Variants in PTPRG observed in about 807,000 individuals in gnomAD.
PTPRG encodes the protein receptor-type tyrosine-protein phosphatase gamma.
A neutral mutation model predicts 165.3 loss-of-function variants in PTPRG; 102 were observed. The ratio of observed to expected loss-of-function variants is 0.62; its 90% confidence interval spans 0.53 to 0.73. PTPRG has a LOEUF of 0.73. Among genes scored for constraint, PTPRG ranks in the 30% least tolerant of loss-of-function variants. The pLI is 0.00. For missense variants in PTPRG, 1,866 were observed against 1,861.4 expected, an observed-to-expected ratio of 1.00 and a Z score of -0.05; for synonymous variants, 675 against 669.5, an observed-to-expected ratio of 1.01 and a Z score of -0.13.
intron 16 of PTPRG, among the ~76,000 whole-genome samples, chr3:62,261,601 T>TC (rs1158890275): frequency 6.6e-6 from 1 of 151,848 alleles, no homozygotes; most frequent in Non-Finnish European, 1.5e-5. Context: ...GGGGCTTTTT[T>TC]TTTTTTTTTT....
chr3:62,108,037 T>G lies in PTPRG; in HGVS notation c.616-24565T>G, dbSNP rs905227643. On this transcript the variant is annotated intron_variant, in intron 5 of 29. Transcript: ENST00000474889. The stretch of plus-strand genomic sequence containing the variant: ...TGGTGTAGAACCCTGGAAACATTTC[T>G]CTCTCGCTCTTTTTTTTTTTTATTA... Among the ~76,000 whole-genome samples the G allele has an allele frequency of 5.3e-5, 8 of 150,472 alleles. No homozygotes were observed. The East Asian group carries it at 9.8e-4, about 18-fold the overall frequency.
chr3:62,143,180 C>T (rs1703992843), intron 6 of PTPRG, among the ~76,000 whole-genome samples: 1 of 152,240 alleles, frequency 6.6e-6, no homozygotes, highest in African/African-American at 2.4e-5. Flanking sequence ...GGACCATAAT[C>T]TGTCACTGTC....
At chr3:62,235,331 C>T (rs1042453650) in intron 14 of PTPRG, among the ~76,000 whole-genome samples, 1 of 152,138 alleles carries the variant, frequency 6.6e-6, no homozygotes, top group African/African-American at 2.4e-5. Context: ...GTGAGACAGA[C>T]ACCTTAAAGC....
chr3:62,272,786 G>A (rs1256388066), intron 21 of PTPRG, among the ~76,000 whole-genome samples, 160 bp from the exon 22 acceptor site: 1 of 152,126 alleles, frequency 6.6e-6, no homozygotes, highest in African/African-American at 2.4e-5. Flanking sequence ...GCAGTGAACC[G>A]AGATTGCGCC....
chr3:61,751,806 C>T (rs529768070), intron 2 of PTPRG, among the ~76,000 whole-genome samples: 38 of 151,838 alleles, frequency 2.5e-4, no homozygotes, highest in Non-Finnish European at 4.4e-4. Context: ...CTGGCTAACA[C>T]GGTGAAATCC....
chr3:62,020,288 A>C (rs6445251), intron 4 of PTPRG, among the ~76,000 whole-genome samples: 39,794 of 152,092 alleles, frequency 0.26, 5,360 homozygotes, highest in East Asian at 0.33. Context: ...CATTCTACAG[A>C]TTTTTCACAA....
At chr3:61,810,060 G>A (rs1045238853) in intron 2 of PTPRG, among the ~76,000 whole-genome samples, 1 of 152,178 alleles carries the variant, frequency 6.6e-6, no homozygotes, top group Non-Finnish European at 1.5e-5. Context: ...GAAGTGGGCT[G>A]TGCCTGCACA....
intron 2 of PTPRG, among the ~76,000 whole-genome samples, chr3:61,870,670 C>T (rs757501905): frequency 1.3e-5 from 2 of 151,020 alleles, no homozygotes; most frequent in African/African-American, 4.9e-5. Flanking sequence ...CATGAGCCAT[C>T]GCACCCATTG....
intron 1 of PTPRG, among the ~76,000 whole-genome samples, chr3:61,592,649 CTTTT>C (rs373986933): frequency 3.9e-4 from 52 of 132,888 alleles, no homozygotes; most frequent in East Asian, 1.0e-3. Flanking sequence ...TTCTTTCTTT[CTTTT>C]TTTTTTTTTT....
intron 21 of PTPRG, 37 bp from the exon 22 acceptor site, chr3:62,272,909 A>T: frequency 6.5e-7 from 1 of 1,538,054 alleles, no homozygotes; most frequent in Non-Finnish European, 8.7e-7. Flanking sequence ...AGTATGATAA[A>T]ACAAAAGTGC....
At chr3:62,085,892 A>AG (rs1701737413) in intron 5 of PTPRG, among the ~76,000 whole-genome samples, 1 of 152,208 alleles carries the variant, frequency 6.6e-6, no homozygotes, top group Non-Finnish European at 1.5e-5. Context: ...AAAGTAGTTG[A>AG]GGGACAGTAA....
intron 2 of PTPRG, among the ~76,000 whole-genome samples, chr3:61,978,126 A>G (rs866932360): frequency 1.3e-5 from 2 of 152,210 alleles, no homozygotes; most frequent in Non-Finnish European, 2.9e-5. Flanking sequence ...TGCTGGGATT[A>G]CAAGTGTAAG....
intron 1 of PTPRG, among the ~76,000 whole-genome samples, chr3:61,744,995 C>T (rs896560271): frequency 7.3e-5 from 11 of 150,996 alleles, no homozygotes; most frequent in African/African-American, 2.4e-4. Flanking sequence ...TCACTACCCT[C>T]TAGAACACAG....
chr3:61,851,274 C>A lies in PTPRG; in HGVS notation c.190+102292C>A, dbSNP rs149698086. 2.8e-3 allele frequency among the ~76,000 whole-genome samples: 424 copies of A among 152,284 alleles called. 8 individuals carry two copies. The highest frequency in any genetic ancestry group is 0.021 in the Admixed American group (314 of 15,304). On this transcript the variant is annotated intron_variant, in intron 2 of 29. Transcript: ENST00000474889. ...GAAAGGATTAGATTCAGGGAAGAAT[C>A]TAATCAGAACTTTTTCACTGTCTGT...
intron 2 of PTPRG, among the ~76,000 whole-genome samples, chr3:61,767,971 C>CAA (rs35466366): frequency 0.018 from 1,832 of 103,708 alleles, 36 homozygotes; most frequent in Non-Finnish European, 0.025. Flanking sequence ...GACCCTGTCT[C>CAA]AAAAAAAAAA....
intron 1 of PTPRG, among the ~76,000 whole-genome samples, chr3:61,625,280 C>T (rs1701576574): frequency 8.1e-6 from 1 of 123,588 alleles, no homozygotes; most frequent in Non-Finnish European, 1.7e-5. Context: ...ATCAGTCAAA[C>T]TTTAGTCTCT....
At chr3:61,597,881 T>C (rs1384586447) in intron 1 of PTPRG, among the ~76,000 whole-genome samples, 1 of 152,214 alleles carries the variant, frequency 6.6e-6, no homozygotes, top group East Asian at 1.9e-4. Flanking sequence ...TTTGGAGCCA[T>C]TGTCATGGAG....
chr3:61,835,659 C>T (rs1328879680), intron 2 of PTPRG, among the ~76,000 whole-genome samples: 6 of 152,024 alleles, frequency 3.9e-5, no homozygotes, highest in Non-Finnish European at 8.8e-5. Flanking sequence ...TCCTTAATGG[C>T]CTGGCCTTGT....
At chr3:61,973,755 C>T (rs528331819) in intron 2 of PTPRG, among the ~76,000 whole-genome samples, 4 of 152,138 alleles carry the variant, frequency 2.6e-5, no homozygotes, top group African/African-American at 9.6e-5. Flanking sequence ...ATTGCTTGAA[C>T]CCGGGAGGTG....
Sources: allele counts gnomAD v4.1 joint callset (sites outside exome capture counted in the v4.1 genomes callset), GRCh38; gene constraint gnomAD v4.1.1; transcripts MANE v1.5; gene names NCBI Gene and HGNC (gene_info 2026-07-23, HGNC 2026-07-21).